DYNC2I2: variants seen among roughly 807,000 people sequenced by gnomAD.
DYNC2I2 encodes the protein cytoplasmic dynein 2 intermediate chain 2.
Under a neutral mutation model 52.0 loss-of-function variants are expected in DYNC2I2, and 39 were observed. That is an observed-to-expected ratio of 0.75 (90% CI 0.58 to 0.98). The LOEUF (loss-of-function observed/expected upper bound fraction) is 0.98, where lower values mean the gene tolerates loss of function less well. Among genes scored for constraint, DYNC2I2 ranks in the 50% least tolerant of loss-of-function variants. The pLI is 0.00. For synonymous variants in DYNC2I2, 359 were observed against 321.1 expected, an observed-to-expected ratio of 1.12 and a Z score of -1.26; for missense variants, 743 against 728.4, an observed-to-expected ratio of 1.02 and a Z score of -0.23.
chr9:128,654,584 G>A (rs1860781257), intron 1 of DYNC2I2, among the ~76,000 whole-genome samples: 1 of 151,830 alleles, frequency 6.6e-6, no homozygotes, highest in Non-Finnish European at 1.5e-5. Flanking sequence ...TAAAGTTAGG[G>A]TCTCATTCTG....
chr9:128,635,603 C>A (rs911652418), intron 5 of DYNC2I2, 55 bp downstream of exon 5: 34 of 1,494,692 alleles, frequency 2.3e-5, no homozygotes, highest in Non-Finnish European at 3.0e-5. Context: ...AGAGTGGGCG[C>A]CCTCTCCCCA....
At chr9:128,645,036 C>A (rs1860588095) in intron 1 of DYNC2I2, among the ~76,000 whole-genome samples, 1 of 152,064 alleles carries the variant, frequency 6.6e-6, no homozygotes, top group Admixed American at 6.6e-5. Context: ...CTCCCTATTC[C>A]GAGACAAGAC....
In DYNC2I2 at chr9:128,654,340, C is replaced by T. The variant is rs1293025259; in HGVS notation, c.186+2201G>A. ...CAGGTTCATGCAGCAAGCTAAGCCT[C>T]AGTATTCTCTTCTGGGACGTGTGCA... On this transcript the variant is annotated intron_variant, in intron 1 of 8. Coordinates refer to ENST00000372715, the MANE Select transcript of DYNC2I2 (RefSeq NM_052844.4). 2.0e-5 allele frequency among the ~76,000 whole-genome samples: 3 copies of T among 152,166 alleles called. No homozygotes were observed. In the East Asian group the frequency reaches 5.8e-4, roughly 29 times the overall value.
chr9:128,678,020 G>A, the DYNC2I2 span, among the ~76,000 whole-genome samples: 1 of 151,628 alleles, frequency 6.6e-6, no homozygotes. Context: ...AACCACGTGG[G>A]TTTGGACTTT....
chr9:128,644,165 C>G (rs1011211637), intron 1 of DYNC2I2, among the ~76,000 whole-genome samples: 1 of 152,192 alleles, frequency 6.6e-6, no homozygotes, highest in Non-Finnish European at 1.5e-5. Flanking sequence ...CACAACCACC[C>G]TATGAAGTAA....
the DYNC2I2 span, among the ~76,000 whole-genome samples, chr9:128,682,064 CTT>C: frequency 7.9e-4 from 112 of 141,846 alleles, 2 homozygotes; most frequent in East Asian, 0.012. Context: ...CAGAGTGAGA[CTT>C]TTTTTTTTTT....
intron 1 of DYNC2I2, among the ~76,000 whole-genome samples, chr9:128,655,360 A>AAAAAAAAAAC (rs1247965929): frequency 7.1e-6 from 1 of 140,622 alleles, no homozygotes; most frequent in Non-Finnish European, 1.5e-5. Context: ...AAAAAAAAAA[A>AAAAAAAAAAC]ATTAGCCGGG....
intron 1 of DYNC2I2, among the ~76,000 whole-genome samples, chr9:128,645,535 T>G (rs1860599395): frequency 7.3e-6 from 1 of 137,614 alleles, no homozygotes; most frequent in African/African-American, 2.8e-5. Context: ...GAGAATCACT[T>G]GAACCCAAAA....
upstream of DYNC2I2, among the ~76,000 whole-genome samples, chr9:128,657,370 G>T (rs1860852371): frequency 6.6e-6 from 1 of 151,952 alleles, no homozygotes; most frequent in Non-Finnish European, 1.5e-5. Context: ...AGCCCAGAAC[G>T]TCTCTTTCTT....
the DYNC2I2 span, among the ~76,000 whole-genome samples, chr9:128,668,190 A>C: frequency 6.6e-6 from 1 of 151,126 alleles, no homozygotes; most frequent in Non-Finnish European, 1.5e-5. Flanking sequence ...TGATCTCCTG[A>C]CCTTGTGATC....
At chr9:128,672,470 A>C in the DYNC2I2 span, among the ~76,000 whole-genome samples, 1 of 151,770 alleles carries the variant, frequency 6.6e-6, no homozygotes, top group Non-Finnish European at 1.5e-5. Context: ...CTGAGATTAC[A>C]GTTGTGAGCC....
chr9:128,652,133 G>A (rs946756798), intron 1 of DYNC2I2: 3 of 151,082 alleles, frequency 2.0e-5, no homozygotes, highest in African/African-American at 7.5e-5. Context: ...AGACCAATTA[G>A]AAAGCACCAA....
chr9:128,645,609 T>TC (rs1052017316), intron 1 of DYNC2I2, among the ~76,000 whole-genome samples: 1 of 78,352 alleles, frequency 1.3e-5, no homozygotes. Context: ...AAAGTGAGAC[T>TC]CCATCTCAAA....
chr9:128,649,131 C>T (rs1860676447), intron 1 of DYNC2I2, among the ~76,000 whole-genome samples: 1 of 152,134 alleles, frequency 6.6e-6, no homozygotes, highest in South Asian at 2.1e-4. Context: ...CTTGATGCCT[C>T]TGAATTGCAC....
chr9:128,636,545 C>A, intron 3 of DYNC2I2, 107 bp from the exon 4 acceptor site: 1 of 1,267,560 alleles, frequency 7.9e-7, no homozygotes, highest in Non-Finnish European at 1.1e-6. Context: ...GTCCTTGTCA[C>A]CACCAGACAC....
At chr9:128,684,011 C>T in the DYNC2I2 span, 6 of 1,536,258 alleles carry the variant, frequency 3.9e-6, no homozygotes, top group Non-Finnish European at 4.4e-6. Flanking sequence ...AAGGGAGGTA[C>T]GTTTCTGCGC....
rs771382594 is a variant in DYNC2I2 at position 128,656,623 on chromosome 9, G to A, written c.104C>T (p.Pro35Leu). Reference sequence around the variant, plus strand: ...CAGGGTCTCGTCCTGCAGCGGCCCTGGCCGCCCCGGCCCCGGGCCGCTCGC... The same window carrying A: ...CAGGGTCTCGTCCTGCAGCGGCCCTAGCCGCCCCGGCCCCGGGCCGCTCGC... ...GVASGPGPGR[P>L]GPLQDETLGV... Residue 35 changes from proline (P) to leucine (L), a missense_variant, in exon 1 of 9, where the codon CCA (proline) becomes CTA (leucine). Pro to Leu is a moderately conservative substitution (Grantham distance 98, BLOSUM62 -3). Coordinates refer to ENST00000372715, the MANE Select transcript of DYNC2I2 (RefSeq NM_052844.4). 6.0e-6 allele frequency: 9 copies of A among 1,498,238 alleles called. No homozygotes were observed. The highest frequency in any genetic ancestry group is 5.8e-5 in the African/African-American group (4 of 69,186). The allele number at this position is 1,498,238 out of a possible 1,614,324, so 92.8% of individuals were successfully genotyped here.
At chr9:128,636,083 GC>G in intron 4 of DYNC2I2, 197 bp downstream of exon 4, 1 of 901,336 alleles carries the variant, frequency 1.1e-6, no homozygotes, top group Non-Finnish European at 1.8e-6. Flanking sequence ...CCCGACCCTG[GC>G]CCCCTTCCAG....
chr9:128,671,470 CTTTTTTTTTT>C, the DYNC2I2 span, among the ~76,000 whole-genome samples: 2 of 107,760 alleles, frequency 1.9e-5, no homozygotes, highest in Non-Finnish European at 3.7e-5. Flanking sequence ...CTGGCTAATT[CTTTTTTTTTT>C]TTTTTTTTTT....
Sources: gnomAD v4.1 joint callset for allele counts (sites outside exome capture counted in the v4.1 genomes callset) on GRCh38, gnomAD v4.1.1 for gene constraint, MANE v1.5 for transcripts, NCBI Gene and HGNC (gene_info 2026-07-23, HGNC 2026-07-21) for gene names.